Variants in SLC36A1 observed in about 807,000 individuals in gnomAD.
The protein encoded by SLC36A1 is solute carrier family 36 member 1.
A neutral mutation model predicts 47.5 loss-of-function variants in SLC36A1; 30 were observed. That is an observed-to-expected ratio of 0.63 (90% confidence interval 0.47 to 0.86). SLC36A1 has a LOEUF of 0.86. SLC36A1 is among the 40% of genes least tolerant of loss of function. The pLI is 0.00. For missense variants in SLC36A1, 517 were observed against 606.0 expected (o/e 0.85, Z 1.54); for synonymous variants, 255 against 249.7 (o/e 1.02, Z -0.20).
the SLC36A1 span, chr5:151,534,670 C>G: frequency 1.3e-6 from 2 of 1,583,624 alleles, no homozygotes; most frequent in African/African-American, 2.7e-5. Flanking sequence ...AAAAGTTGAG[C>G]TTTCTCTGGG....
the SLC36A1 span, among the ~76,000 whole-genome samples, chr5:151,418,000 G>C: frequency 6.6e-6 from 1 of 152,236 alleles, no homozygotes; most frequent in East Asian, 1.9e-4. Context: ...ATGGCTAAAA[G>C]GTGCCAACAT....
At chr5:151,534,684 A>G in the SLC36A1 span, 35 of 1,542,106 alleles carry the variant, frequency 2.3e-5, no homozygotes, top group Middle Eastern at 5.1e-4. Context: ...CTCTGGGGAA[A>G]TATTACCCAA....
chr5:151,433,245 TATATATATATATATA>T (rs1759508959), upstream of SLC36A1, among the ~76,000 whole-genome samples: 2 of 13,372 alleles, frequency 1.5e-4, no homozygotes, highest in Non-Finnish European at 3.5e-4. Context: ...TATATATATA[TATATATATATATATA>T]TATATATTTT....
rs1758089390 is a variant in SLC36A1, at chr5:151,476,626, A to G, written c.859A>G (p.Lys287Glu). Residue 287 changes from lysine to glutamate, a missense_variant, in exon 9 of 11, where the codon AAG becomes GAG. Transcript: ENST00000243389. ...GGAAAACAAAATGAAGGATCCTCGGAAGTTCCCACTCATCCTGTACCTGGG... is the reference window on the plus strand; with the variant it reads ...GGAAAACAAAATGAAGGATCCTCGGGAGTTCCCACTCATCCTGTACCTGGG... Reference protein sequence around the residue: ...PLENKMKDPRKFPLILYLGMV... With the variant: ...PLENKMKDPREFPLILYLGMV... 6.2e-7 allele frequency: 1 copy of G among 1,606,240 alleles called. No homozygotes were observed. Among genetic ancestry groups the G allele is most frequent in the Non-Finnish European group, 8.5e-7 (1 of 1,176,290 alleles).
At chr5:151,366,567 G>T in the SLC36A1 span, 1 of 231,092 alleles carries the variant, frequency 4.3e-6, no homozygotes, top group Non-Finnish European at 8.9e-6. Flanking sequence ...TCTCCAGGAG[G>T]CACAGGATGA....
the SLC36A1 span, among the ~76,000 whole-genome samples, chr5:151,369,106 A>G: frequency 3.9e-5 from 6 of 152,246 alleles, no homozygotes; most frequent in Non-Finnish European, 5.9e-5. Flanking sequence ...AAAGATCTCC[A>G]TAAACAAATC....
the SLC36A1 span, among the ~76,000 whole-genome samples, chr5:151,393,950 G>C: frequency 1.4e-5 from 2 of 139,686 alleles, no homozygotes; most frequent in Non-Finnish European, 3.0e-5. Flanking sequence ...ATGTTGGCCT[G>C]CCTTGCTAGG....
chr5:151,479,214 A>G, intron 9 of SLC36A1, 106 bp from the exon 10 acceptor site: 2 of 1,243,388 alleles, frequency 1.6e-6, no homozygotes, highest in East Asian at 4.7e-5. Context: ...GTGGGTTTGT[A>G]TCCTTGATAA....
chr5:151,389,125 G>A, the SLC36A1 span, among the ~76,000 whole-genome samples: 1 of 152,128 alleles, frequency 6.6e-6, no homozygotes, highest in Non-Finnish European at 1.5e-5. Context: ...TTTCAGGTCC[G>A]GTGGTTCTAA....
At chr5:151,533,744 CAT>C in the SLC36A1 span, among the ~76,000 whole-genome samples, 14 of 151,384 alleles carry the variant, frequency 9.2e-5, no homozygotes, top group South Asian at 4.2e-4. Flanking sequence ...TACACACATA[CAT>C]ATATATATGT....
At chr5:151,549,378 G>A in the SLC36A1 span, 2 of 1,614,064 alleles carry the variant, frequency 1.2e-6, no homozygotes, top group Non-Finnish European at 1.7e-6. Flanking sequence ...TGTGCCGGGG[G>A]CTATGGTGTC....
chr5:151,534,262 A>T, the SLC36A1 span: 1 of 586,268 alleles, frequency 1.7e-6, no homozygotes, highest in Non-Finnish European at 3.0e-6. Flanking sequence ...CAGTTTGAGG[A>T]TAAATACTTT....
chr5:151,375,846 C>A, the SLC36A1 span, among the ~76,000 whole-genome samples: 479 of 152,178 alleles, frequency 3.1e-3, 2 homozygotes, highest in African/African-American at 0.011. Flanking sequence ...GATTTTGTAT[C>A]CTAAAACTTT....
At chr5:151,487,050 A>G (rs1759661021) in intron 10 of SLC36A1, among the ~76,000 whole-genome samples, 1 of 152,180 alleles carries the variant, frequency 6.6e-6, no homozygotes, top group Admixed American at 6.5e-5. Context: ...AAGGTACCAT[A>G]CCTTCCCCAA....
the SLC36A1 span, chr5:151,546,144 T>C: frequency 1.1e-4 from 174 of 1,614,138 alleles, 6 homozygotes; most frequent in South Asian, 1.4e-3. Flanking sequence ...ACTCAGATTT[T>C]GAAAAGATGG....
chr5:151,544,636 C>T, the SLC36A1 span: 1 of 1,614,134 alleles, frequency 6.2e-7, no homozygotes, highest in Non-Finnish European at 8.5e-7. Flanking sequence ...GGATTTATTT[C>T]TCACAGTGAC....
At chr5:151,417,104 G>A in the SLC36A1 span, among the ~76,000 whole-genome samples, 1 of 152,150 alleles carries the variant, frequency 6.6e-6, no homozygotes, top group African/African-American at 2.4e-5. Context: ...CCAGTCTTGG[G>A]CAGTTCTTCA....
the SLC36A1 span, among the ~76,000 whole-genome samples, chr5:151,547,701 T>A: frequency 2.0e-5 from 3 of 152,202 alleles, no homozygotes; most frequent in Non-Finnish European, 4.4e-5. Context: ...TAAAAGCAGC[T>A]AAGTCAACAA....
the SLC36A1 span, among the ~76,000 whole-genome samples, chr5:151,428,964 G>A: frequency 2.0e-5 from 3 of 152,166 alleles, no homozygotes; most frequent in African/African-American, 7.2e-5. Context: ...CTCTTGAGGA[G>A]AAAGCTCCTT....
Sources: allele counts gnomAD v4.1 joint callset (sites outside exome capture counted in the v4.1 genomes callset), GRCh38; gene constraint gnomAD v4.1.1; transcripts MANE v1.5; gene names NCBI Gene and HGNC (gene_info 2026-07-23, HGNC 2026-07-21).